Variants in COLEC12 observed in about 807,000 individuals in gnomAD.
COLEC12 encodes collectin subfamily member 12.
A neutral mutation model predicts 71.1 loss-of-function variants in COLEC12; 33 were observed. The ratio of observed to expected loss-of-function variants is 0.46; its 90% CI spans 0.35 to 0.62. COLEC12 has a LOEUF of 0.62. COLEC12 is among the 20% of genes least tolerant of loss of function. The pLI is 0.00. For missense variants in COLEC12, 765 were observed against 916.1 expected, an observed-to-expected ratio of 0.84 and a Z score of 2.13; for synonymous variants, 350 against 353.0, an observed-to-expected ratio of 0.99 and a Z score of 0.10.
chr18:403,722 C>T (rs550645089), intron 2 of COLEC12, among the ~76,000 whole-genome samples: 1 of 152,290 alleles, frequency 6.6e-6, no homozygotes, highest in South Asian at 2.1e-4. Context: ...AGGAAATGGT[C>T]CTAATTGGGT....
At chr18:473,824 ATTTTT>A (rs532818591) in intron 2 of COLEC12, among the ~76,000 whole-genome samples, 1 of 151,090 alleles carries the variant, frequency 6.6e-6, no homozygotes, top group Admixed American at 6.6e-5. Context: ...AGCTGAGTAG[ATTTTT>A]TTTTTCTTTA....
intron 2 of COLEC12, among the ~76,000 whole-genome samples, chr18:445,837 G>A (rs1916637258): frequency 6.6e-6 from 1 of 152,014 alleles, no homozygotes. Context: ...TCACCATGTT[G>A]CCCAGGCTGG....
At chr18:395,270 T>C (rs1450831726) in intron 2 of COLEC12, among the ~76,000 whole-genome samples, 7 of 152,220 alleles carry the variant, frequency 4.6e-5, no homozygotes, top group Non-Finnish European at 7.3e-5. Flanking sequence ...GCTTTTGCAG[T>C]TGAGCTGGGA....
Position 331,732 on chromosome 18 carries a change from C to T in COLEC12, c.1999G>A (p.Gly667Ser). 1 of 1,614,040 alleles carries T rather than the reference C, an allele frequency of 6.2e-7. No individual in the cohort carries two copies. The change falls in exon 8 of 10, where the codon GGC becomes AGC. Residue 667 changes from glycine (G) to serine (S), a missense_variant. Physicochemically the swap from Gly to Ser is moderately conservative, Grantham distance 56. Transcript: ENST00000400256. Reference sequence around the variant, plus strand: ...TTTTCACGCTCTGAGTCTGTGAGGCCGATCCAGTGGCTCTCTCTCCCTACC... The same window carrying T: ...TTTTCACGCTCTGAGTCTGTGAGGCTGATCCAGTGGCTCTCTCTCCCTACC... ...QMVGRESHWI[G>S]LTDSERENEW...
chr18:487,757 A>T (rs1422007001), intron 1 of COLEC12, among the ~76,000 whole-genome samples: 1 of 152,188 alleles, frequency 6.6e-6, no homozygotes, highest in Non-Finnish European at 1.5e-5. Flanking sequence ...GAATTTGACC[A>T]ACTAATAAAA....
At chr18:442,000 TCTACACACACACACACACACACACACAC>T (rs1190412517) in intron 2 of COLEC12, among the ~76,000 whole-genome samples, 4 of 116,700 alleles carry the variant, frequency 3.4e-5, no homozygotes, top group Non-Finnish European at 7.1e-5. Flanking sequence ...ACTCTCTCTC[TCTACACACACACACACACACACACACAC>T]ACACACACAC....
chr18:425,068 G>A (rs1260150264), intron 2 of COLEC12, among the ~76,000 whole-genome samples: 1 of 152,154 alleles, frequency 6.6e-6, no homozygotes, highest in East Asian at 1.9e-4. Context: ...TTGCCTCTAG[G>A]GAGGCATGAT....
At chr18:450,407 G>C (rs1037829100) in intron 2 of COLEC12, among the ~76,000 whole-genome samples, 2 of 152,150 alleles carry the variant, frequency 1.3e-5, no homozygotes, top group African/African-American at 4.8e-5. Flanking sequence ...TATTGTGAGT[G>C]AGTTCTTCTG....
chr18:346,770 C>T lies in COLEC12; in HGVS notation c.852G>A (p.Glu284=). The T allele has an allele frequency of 1.2e-6, 2 of 1,614,218 alleles. No individual in the cohort carries two copies. The highest frequency in any genetic ancestry group is 1.3e-5 in the African/African-American group (1 of 75,054). Residue 284 remains glutamate (E), a synonymous_variant, in exon 5 of 10, where the codon GAG becomes GAA. Coordinates refer to ENST00000400256, the MANE Select transcript of COLEC12 (RefSeq NM_130386.3). The surrounding 1 kb of genome is among the most constrained non-coding windows in gnomAD (Gnocchi z 4.0). The stretch of plus-strand genomic sequence containing the variant: ...ATGAGTTGAGCTGGCTGTTCATATC[C>T]TCCAGGGTGTCGTTGTTGGCTTTGG... ...ALAKANNDTL[E]DMNSQLNSFT...
intron 2 of COLEC12, among the ~76,000 whole-genome samples, chr18:375,692 C>A (rs557296002): frequency 6.6e-6 from 1 of 152,294 alleles, no homozygotes; most frequent in African/African-American, 2.4e-5. Flanking sequence ...GCACTTATCA[C>A]CATTTCATTT....
rs1287931522 is a variant in COLEC12 at position 346,863 on chromosome 18, C to T, written c.759G>A (p.Lys253=). The T allele has an allele frequency of 6.2e-7, 1 of 1,614,192 alleles. No homozygotes were observed. Among genetic ancestry groups the T allele is most frequent in the Admixed American group, 1.7e-5 (1 of 60,028 alleles). The part of the protein sequence containing the change: ...NLQQVFLQAK[K]DTDWLKEKVQ... ...CTTTCTCCTTCAGCCAATCCGTGTC[C>T]TTCTTGGCTTGAAGAAAAACCTGCT... The change falls in exon 5 of 10, where the codon AAG becomes AAA. Residue 253 remains lysine, a synonymous_variant. Transcript: ENST00000400256. This position sits in a 1 kb window ranked among gnomAD's most constrained non-coding sequence, Gnocchi z 4.0.
rs758690052 is a variant in COLEC12, at chr18:357,489, T to C, written c.92A>G (p.Lys31Arg). Residue 31 changes from lysine to arginine, a missense_variant, in exon 3 of 10, where the codon AAA becomes AGA. Coordinates refer to ENST00000400256, the MANE Select transcript of COLEC12 (RefSeq NM_130386.3). ...AGAAAACTTCAGTGCCCAGTTATTT[T>C]TACATTTGGTACATTGTGTTCCTTC... ...IQEGTQCTKC[K>R]NNWALKFSII... 1 of 1,592,782 alleles carries C rather than the reference T, an allele frequency of 6.3e-7. No individual in the cohort carries two copies. Among genetic ancestry groups the C allele is most frequent in the Non-Finnish European group, 8.6e-7 (1 of 1,168,412 alleles).
At chr18:349,818 G>A (rs1256393036) in intron 3 of COLEC12, among the ~76,000 whole-genome samples, 1 of 152,196 alleles carries the variant, frequency 6.6e-6, no homozygotes, top group Non-Finnish European at 1.5e-5. Context: ...CTTTGAACTT[G>A]CATGGGGCCT....
intron 1 of COLEC12, among the ~76,000 whole-genome samples, chr18:494,538 C>A (rs1172188102): frequency 6.6e-6 from 1 of 152,172 alleles, no homozygotes; most frequent in South Asian, 2.1e-4. Context: ...GGTCCCCAGG[C>A]TCTCTTGGTT....
intron 2 of COLEC12, among the ~76,000 whole-genome samples, chr18:377,326 C>G (rs1023373421): frequency 6.6e-6 from 1 of 152,224 alleles, no homozygotes; most frequent in Non-Finnish European, 1.5e-5. Context: ...CGTGTGAGCC[C>G]GAGGGGTCTG....
chr18:374,310 G>A (rs563075006), intron 2 of COLEC12, among the ~76,000 whole-genome samples: 1 of 152,082 alleles, frequency 6.6e-6, no homozygotes, highest in Non-Finnish European at 1.5e-5. Flanking sequence ...TAATATTAGG[G>A]AATTAAAAGA....
intron 6 of COLEC12, 137 bp downstream of exon 6, chr18:334,605 G>A: frequency 2.9e-6 from 2 of 685,686 alleles, no homozygotes; most frequent in Non-Finnish European, 4.3e-6. Flanking sequence ...TCCAGCCTGG[G>A]CAACAGAGTG....
chr18:498,610 C>T (rs1013631794), intron 1 of COLEC12, among the ~76,000 whole-genome samples: 6 of 152,118 alleles, frequency 3.9e-5, no homozygotes, highest in Admixed American at 2.0e-4. Flanking sequence ...ATCTTGCCCA[C>T]CTCGGCCTCC....
intron 2 of COLEC12, among the ~76,000 whole-genome samples, chr18:451,278 G>A (rs1018672016): frequency 6.6e-6 from 1 of 152,042 alleles, no homozygotes; most frequent in African/African-American, 2.4e-5. Flanking sequence ...ACATCTTACT[G>A]ACTGCTGGAC....
Sources: gnomAD v4.1 joint callset for allele counts (sites outside exome capture counted in the v4.1 genomes callset) on GRCh38, gnomAD v4.1.1 for gene constraint, Gnocchi (gnomAD v3.1) non-coding constraint, MANE v1.5 for transcripts, NCBI Gene and HGNC (gene_info 2026-07-23, HGNC 2026-07-21) for gene names.